Variants in DYSF observed in about 807,000 individuals in gnomAD.
DYSF encodes the protein dystrophy-associated fer-1-like 1.
In DYSF, 212 loss-of-function variants were observed where a neutral mutation model predicts 274.9. The observed-to-expected ratio is 0.77, with a 90% CI of 0.69 to 0.86. The LOEUF (loss-of-function observed/expected upper bound fraction) is 0.86. DYSF is among the 40% of genes least tolerant of loss of function. DYSF has a pLI of 0.00. For missense variants in DYSF, 2,666 were observed against 2,783.2 expected (o/e 0.96, Z 0.95); for synonymous variants, 1,091 against 1,078.7 (o/e 1.01, Z -0.22).
At chr2:71,619,476 G>A (rs1370495270) in intron 40 of DYSF, among the ~76,000 whole-genome samples, 4 of 152,176 alleles carry the variant, frequency 2.6e-5, no homozygotes, top group East Asian at 1.9e-4. Context: ...TTCACCTTCC[G>A]TGGGTTTCTT....
At chr2:71,525,466 C>T (rs768669301) in intron 12 of DYSF, among the ~76,000 whole-genome samples, 22 of 152,226 alleles carry the variant, frequency 1.4e-4, no homozygotes, top group Middle Eastern at 6.8e-3. Context: ...TCAGGTGATC[C>T]GCCTGCCTCG....
At chr2:71,491,393 G>A (rs886628025) in intron 3 of DYSF, among the ~76,000 whole-genome samples, 6 of 152,208 alleles carry the variant, frequency 3.9e-5, no homozygotes, top group African/African-American at 1.4e-4. Flanking sequence ...AGAGGTGCAC[G>A]TGTGCACACA....
chr2:71,495,102 T>C (rs4852792), intron 3 of DYSF, among the ~76,000 whole-genome samples: 94,970 of 151,944 alleles, frequency 0.63, 30,172 homozygotes, highest in Non-Finnish European at 0.66. Context: ...GTGATAGGTG[T>C]ATTAACTGAA....
At chr2:71,479,754 C>T (rs2082733328) in intron 1 of DYSF, among the ~76,000 whole-genome samples, 1 of 152,188 alleles carries the variant, frequency 6.6e-6, no homozygotes, top group Admixed American at 6.5e-5. Context: ...CAGCTCTCAG[C>T]CATCAAAGTG....
rs992515425 is a variant in DYSF, at chr2:71,621,818, C to T, written c.4527+1209C>T. ...GGGACTACAGGTGCGCAACACCACA[C>T]GTGGCTAATTTTTTGTATTTTTAGT... On this transcript the variant is annotated intron_variant, in intron 41 of 55. Transcript: ENST00000410020. Among the ~76,000 whole-genome samples, 7 of 152,080 alleles carry T rather than the reference C, an allele frequency of 4.6e-5. No homozygotes were observed. The East Asian group carries it at 5.8e-4, about 13-fold the overall frequency.
intron 36 of DYSF, among the ~76,000 whole-genome samples, chr2:71,603,843 A>T (rs1212413097): frequency 6.6e-6 from 1 of 152,192 alleles, no homozygotes; most frequent in South Asian, 2.1e-4. Flanking sequence ...CAGCCCAGGG[A>T]TGAGTTATTA....
intron 3 of DYSF, among the ~76,000 whole-genome samples, chr2:71,482,311 G>A (rs895566940): frequency 2.0e-5 from 3 of 152,178 alleles, no homozygotes; most frequent in African/African-American, 4.8e-5. Flanking sequence ...TCTCTTTCCC[G>A]GCCCAGCCCA....
chr2:71,656,052 T>A, intron 42 of DYSF, 110 bp from the exon 43 acceptor site: 1 of 1,355,456 alleles, frequency 7.4e-7, no homozygotes, highest in Non-Finnish European at 1.0e-6. Context: ...TCTCTCTTTA[T>A]TCACTCTCAC....
At chr2:71,606,124 G>C (rs933075953) in intron 36 of DYSF, among the ~76,000 whole-genome samples, 1 of 152,146 alleles carries the variant, frequency 6.6e-6, no homozygotes, top group Non-Finnish European at 1.5e-5. Flanking sequence ...GACTGGGCTG[G>C]GGGTGCCCCT....
At position 71,602,856 on chromosome 2, in the gene DYSF, G is replaced by A. The variant is rs1365159184; in HGVS notation, c.3957+51G>A. 6 of 1,605,842 alleles carry A rather than the reference G, an allele frequency of 3.7e-6. No homozygotes were observed. In the African/African-American group the frequency reaches 8.0e-5, roughly 21 times the overall value. The stretch of plus-strand genomic sequence containing the variant: ...GGGTGGGCCGAGGTAGAGGGAAGGT[G>A]AAGCCAGCCTTCAAGCACACACCTG... On this transcript the variant is annotated intron_variant, in intron 36 of 55. Transcript: ENST00000410020.
Position 71,540,257 on chromosome 2 carries a change from C to T in DYSF, c.1576+1018C>T, listed in dbSNP as rs150122577. 9.5e-3 allele frequency among the ~76,000 whole-genome samples: 1,449 copies of T among 151,988 alleles called. 27 individuals are homozygous for T. The highest frequency in any genetic ancestry group is 0.033 in the African/African-American group (1,363 of 41,446). ...TCCCGAGCAGCTGGGACTACAGGCG[C>T]GCGCCACCACGCCCGGCTAATTTTT... On this transcript the variant is annotated intron_variant, in intron 17 of 55. Transcript: ENST00000410020.
At chr2:71,676,989 A>C (rs2095233347) in intron 52 of DYSF, among the ~76,000 whole-genome samples, 1 of 152,084 alleles carries the variant, frequency 6.6e-6, no homozygotes, top group Non-Finnish European at 1.5e-5. Context: ...TATTGGCACC[A>C]TATTTCAAAT....
At chr2:71,654,572 C>T (rs1417214908) in intron 42 of DYSF, among the ~76,000 whole-genome samples, 2 of 152,028 alleles carry the variant, frequency 1.3e-5, no homozygotes, top group Non-Finnish European at 2.9e-5. Context: ...TGCTTGAGGC[C>T]AGGAGTTGGA....
intron 10 of DYSF, among the ~76,000 whole-genome samples, chr2:71,517,370 C>T (rs1007092591): frequency 2.0e-5 from 3 of 152,164 alleles, no homozygotes; most frequent in Non-Finnish European, 2.9e-5. Context: ...ACCCATTGCC[C>T]ACCACATACG....
At chr2:71,491,841 CTT>C (rs2152697796) in intron 3 of DYSF, among the ~76,000 whole-genome samples, 1 of 152,256 alleles carries the variant, frequency 6.6e-6, no homozygotes, top group South Asian at 2.1e-4. Flanking sequence ...GATTCTATGT[CTT>C]TACTATTGTG....
chr2:71,666,110 G>C (rs2094999594), intron 47 of DYSF, among the ~76,000 whole-genome samples: 1 of 140,730 alleles, frequency 7.1e-6, no homozygotes, highest in African/African-American at 2.7e-5. Flanking sequence ...TCGGCCATAA[G>C]GCGCCCCCAG....
chr2:71,584,975 A>T (rs1183281123), intron 30 of DYSF, among the ~76,000 whole-genome samples: 1 of 152,242 alleles, frequency 6.6e-6, no homozygotes, highest in Non-Finnish European at 1.5e-5. Flanking sequence ...ACAAGAGCCT[A>T]GAGAGATGAA....
chr2:71,610,548 T>C (rs1204191358), intron 36 of DYSF, among the ~76,000 whole-genome samples: 1 of 152,222 alleles, frequency 6.6e-6, no homozygotes, highest in East Asian at 1.9e-4. Flanking sequence ...GCCCAACTCT[T>C]TCTGGCAAAC....
rs544993852 is a variant in DYSF at position 71,643,997 on chromosome 2, C to G, written c.4560C>G (p.Phe1520Leu). 1.2e-6 allele frequency: 2 copies of G among 1,612,152 alleles called. No homozygotes were observed. Among genetic ancestry groups the G allele is most frequent in the Non-Finnish European group, 1.7e-6 (2 of 1,179,314 alleles). ...AGTTCATCGATTGGTGGAGCAAATT[C>G]TTTGCCTCCATAGGGGAGAGGGAAA... ...EEEFIDWWSK[F>L]FASIGEREKC... Residue 1520 changes from phenylalanine (F) to leucine (L), a missense_variant, in exon 42 of 56, where the codon TTC becomes TTG. Phe to Leu is a conservative substitution (Grantham distance 22). This residue lies in a region of DYSF where 1,460 missense variants were observed against 1,502.1 expected (regional missense o/e 0.97). Coordinates refer to ENST00000410020, the MANE Select transcript of DYSF (RefSeq NM_001130987.2).
Sources: gnomAD v4.1 joint callset for allele counts (sites outside exome capture counted in the v4.1 genomes callset) on GRCh38, gnomAD v4.1.1 for gene constraint, gnomAD v4.1.1 regional missense constraint, MANE v1.5 for transcripts, NCBI Gene and HGNC (gene_info 2026-07-23, HGNC 2026-07-21) for gene names.